ONECUT2: variants seen among roughly 807,000 people sequenced by gnomAD.
ONECUT2 encodes one cut homeobox 2, also known as one cut domain family member 2.
ONECUT2 carries 10 observed loss-of-function variants against 27.9 expected under a neutral mutation model. The ratio of observed to expected loss-of-function variants is 0.36; its 90% CI spans 0.22 to 0.61. ONECUT2 has a LOEUF of 0.61. Among genes scored for constraint, ONECUT2 ranks in the 20% least tolerant of loss-of-function variants. The pLI, the probability that ONECUT2 is intolerant of heterozygous loss-of-function variation, is 0.73. For synonymous variants in ONECUT2, 334 were observed against 315.1 expected, an observed-to-expected ratio of 1.06 and a Z score of -0.64; for missense variants, 686 against 721.0, an observed-to-expected ratio of 0.95 and a Z score of 0.56.
Position 57,436,314 on chromosome 18 carries a change from G to A in ONECUT2, c.598G>A (p.Asp200Asn). 1 of 1,603,936 alleles carries A rather than the reference G, an allele frequency of 6.2e-7. No homozygotes were observed. The highest frequency in any genetic ancestry group is 8.5e-7 in the Non-Finnish European group (1 of 1,179,672). ...CAGCGGCAGCTTCACCCTCATGCGCGACGAGCGCGGGCTCCCGGCCATGAA... is the reference window on the plus strand; with the variant it reads ...CAGCGGCAGCTTCACCCTCATGCGCAACGAGCGCGGGCTCCCGGCCATGAA... ...NVSGSFTLMRDERGLPAMNNL... is the reference protein window; with the variant it reads ...NVSGSFTLMRNERGLPAMNNL... The change falls in exon 1 of 2, where the codon GAC (aspartate) becomes AAC (asparagine). Residue 200 changes from aspartate (D) to asparagine (N), a missense_variant. Coordinates refer to ENST00000491143, the MANE Select transcript of ONECUT2 (RefSeq NM_004852.3). The surrounding 1 kb of genome is among the most constrained non-coding windows in gnomAD (Gnocchi z 5.9).
Position 57,485,941 on chromosome 18 carries a change from T to C in ONECUT2, c.*9218T>C, listed in dbSNP as rs149801222. 41 of 152,514 alleles carry C rather than the reference T, an allele frequency of 2.7e-4. No homozygotes were observed. The highest frequency in any genetic ancestry group is 9.1e-4 in the Admixed American group (14 of 15,302). 9.4% of individuals were successfully genotyped at this position (152,514 alleles called of 1,614,324 possible). A position where few individuals can be genotyped will look rare whatever the true frequency, so the allele number is the denominator to read the frequency against. On this transcript the variant is annotated 3_prime_UTR_variant, in exon 2 of 2. Coordinates refer to ENST00000491143, the MANE Select transcript of ONECUT2 (RefSeq NM_004852.3). ...CAAAGAGTACATTGCTTTGGTTTTC[T>C]TCCTAAATTCCTATTGGAATTAGAA...
rs376624073 is a variant in ONECUT2, at chr18:57,481,611, T to G, written c.*4888T>G. 5.9e-5 allele frequency: 9 copies of G among 152,344 alleles called. No homozygotes were observed. The East Asian group carries it at 1.2e-3, about 20-fold the overall frequency. 9.4% of individuals were successfully genotyped at this position (152,344 alleles called of 1,614,324 possible). On this transcript the variant is annotated 3_prime_UTR_variant, in exon 2 of 2. Coordinates refer to ENST00000491143, the MANE Select transcript of ONECUT2 (RefSeq NM_004852.3). The stretch of plus-strand genomic sequence containing the variant: ...CTGGGTATGGGGGAAACTTCCCCAC[T>G]TTTGAAAATGTTGGTAGAATTATAG...
chr18:57,465,391 T>C (rs934631535), intron 1 of ONECUT2, among the ~76,000 whole-genome samples: 1 of 152,234 alleles, frequency 6.6e-6, no homozygotes, highest in African/African-American at 2.4e-5. Context: ...CGCAAATTCC[T>C]GGGCTTAAGC....
At position 57,436,394 on chromosome 18, in the gene ONECUT2, G is replaced by C. The variant is rs373883417; in HGVS notation, c.678G>C (p.Pro226=). ...CCGGCATGAGCCAGAGCCTGTCCCC[G>C]CTGGCCGCCACGCCGCTGGGCAACG... The part of the protein sequence containing the change: ...EMPGMSQSLS[P]LAATPLGNGL... Residue 226 remains proline, a synonymous_variant, in exon 1 of 2, where the codon CCG becomes CCC. Coordinates refer to ENST00000491143, the MANE Select transcript of ONECUT2 (RefSeq NM_004852.3). This position sits in a 1 kb window ranked among gnomAD's most constrained non-coding sequence, Gnocchi z 5.9. 7.5e-6 allele frequency: 12 copies of C among 1,609,632 alleles called. No individual in the cohort carries two copies. In the East Asian group the frequency reaches 1.6e-4, roughly 21 times the overall value.
chr18:57,448,264 A>C (rs919057147), intron 1 of ONECUT2, among the ~76,000 whole-genome samples: 2 of 152,250 alleles, frequency 1.3e-5, no homozygotes, highest in African/African-American at 4.8e-5. Flanking sequence ...AGGGAGGTAG[A>C]GCATTGGAAT....
chr18:57,472,220 G>A (rs754633453), intron 1 of ONECUT2, among the ~76,000 whole-genome samples: 1 of 152,136 alleles, frequency 6.6e-6, no homozygotes, highest in Non-Finnish European at 1.5e-5. Flanking sequence ...TTCAAAAATG[G>A]GCACATGTGG....
At chr18:57,459,593 T>A (rs556722791) in intron 1 of ONECUT2, among the ~76,000 whole-genome samples, 1 of 152,364 alleles carries the variant, frequency 6.6e-6, no homozygotes, top group South Asian at 2.1e-4. Flanking sequence ...GTTTCACTCT[T>A]GTCGCCCAGG....
intron 1 of ONECUT2, among the ~76,000 whole-genome samples, chr18:57,442,243 G>GTTTTTT (rs1568118321): frequency 7.8e-6 from 1 of 127,504 alleles, no homozygotes. Flanking sequence ...AATTCTTCTG[G>GTTTTTT]GTTTTTTTTT....
chr18:57,436,013 G>A lies in ONECUT2; in HGVS notation c.297G>A (p.Ala99=). 2.0e-6 allele frequency: 3 copies of A among 1,524,176 alleles called. No homozygotes were observed. The highest frequency in any genetic ancestry group is 1.2e-5 in the South Asian group (1 of 81,464). 94.4% of individuals were successfully genotyped at this position (1,524,176 alleles called of 1,614,324 possible). ...QELGTAAAAA[A]AASRSAMVTS... is the part of the protein sequence containing the mutation. ...TGGGCACGGCGGCAGCGGCGGCAGC[G>A]GCGGCGTCGCGCTCGGCCATGGTCA... Residue 99 remains alanine, a synonymous_variant, in exon 1 of 2, where the codon GCG becomes GCA. Coordinates refer to ENST00000491143, the MANE Select transcript of ONECUT2 (RefSeq NM_004852.3). The surrounding 1 kb of genome is among the most constrained non-coding windows in gnomAD (Gnocchi z 5.9).
At chr18:57,453,247 A>G (rs1424436918) in intron 1 of ONECUT2, among the ~76,000 whole-genome samples, 1 of 152,206 alleles carries the variant, frequency 6.6e-6, no homozygotes, top group Non-Finnish European at 1.5e-5. Flanking sequence ...TACTTAATTC[A>G]GAGAGGTGAT....
intron 1 of ONECUT2, among the ~76,000 whole-genome samples, chr18:57,438,953 G>A (rs2050159405): frequency 6.6e-6 from 1 of 152,116 alleles, no homozygotes; most frequent in African/African-American, 2.4e-5. Context: ...TTTAGTACCC[G>A]CCGGCTTCTT....
rs549573105 is a variant in ONECUT2 at position 57,475,357 on chromosome 18, T to C, written c.1229-1080T>C. ...AGGTGTGAGCCACTGCACCTGGCCA[T>C]TTCAAGTGATTATAACACACGTTCT... On this transcript the variant is annotated intron_variant, in intron 1 of 1. Coordinates refer to ENST00000491143, the MANE Select transcript of ONECUT2 (RefSeq NM_004852.3). Among the ~76,000 whole-genome samples the C allele has an allele frequency of 2.0e-5, 3 of 152,278 alleles. No homozygotes were observed. In the South Asian group the frequency reaches 6.2e-4, roughly 32 times the overall value.
chr18:57,479,598 T>C lies in ONECUT2; in HGVS notation c.*2875T>C, dbSNP rs1419591180. The stretch of plus-strand genomic sequence containing the variant: ...TTTTAGCATTTAACCTGTTGATAAA[T>C]GGATCCATGGTGTACATGAGTTTTA... On this transcript the variant is annotated 3_prime_UTR_variant, in exon 2 of 2. Transcript: ENST00000491143. 1 of 152,624 alleles carries C rather than the reference T, an allele frequency of 6.6e-6. No homozygotes were observed. Among genetic ancestry groups the C allele is most frequent in the African/African-American group, 2.4e-5 (1 of 41,448 alleles). 9.5% of individuals were successfully genotyped at this position (152,624 alleles called of 1,614,324 possible).
intron 1 of ONECUT2, among the ~76,000 whole-genome samples, chr18:57,451,895 G>C (rs2050232164): frequency 6.6e-6 from 1 of 152,170 alleles, no homozygotes; most frequent in African/African-American, 2.4e-5. Context: ...GCTCTACAAA[G>C]TTACATGGCA....
chr18:57,452,364 G>A (rs1197209843), intron 1 of ONECUT2, among the ~76,000 whole-genome samples: 2 of 152,162 alleles, frequency 1.3e-5, no homozygotes, highest in South Asian at 2.1e-4. Context: ...TGTCCCAATG[G>A]GAGATCCCCT....
At chr18:57,439,422 T>G (rs937902415) in intron 1 of ONECUT2, among the ~76,000 whole-genome samples, 11 of 152,388 alleles carry the variant, frequency 7.2e-5, no homozygotes, top group Non-Finnish European at 1.3e-4. Context: ...TCTGTTTTAT[T>G]ACCCTGGGTT....
chr18:57,443,130 T>C (rs753565044), intron 1 of ONECUT2, among the ~76,000 whole-genome samples: 3 of 152,142 alleles, frequency 2.0e-5, no homozygotes, highest in Non-Finnish European at 4.4e-5. Flanking sequence ...GCAGAAACTG[T>C]CTTCATGAAA....
intron 1 of ONECUT2, among the ~76,000 whole-genome samples, chr18:57,467,739 G>A (rs901010622): frequency 6.6e-6 from 1 of 152,190 alleles, no homozygotes; most frequent in Non-Finnish European, 1.5e-5. Context: ...TTTGTCCTGT[G>A]TCAGAGGTGA....
At chr18:57,456,991 G>A (rs2050263161) in intron 1 of ONECUT2, among the ~76,000 whole-genome samples, 1 of 151,998 alleles carries the variant, frequency 6.6e-6, no homozygotes, top group Admixed American at 6.6e-5. Flanking sequence ...GTATCACCAG[G>A]TTGGTGAGGG....
Sources: allele counts gnomAD v4.1 joint callset (sites outside exome capture counted in the v4.1 genomes callset), GRCh38; gene constraint gnomAD v4.1.1; non-coding constraint Gnocchi (gnomAD v3.1); transcripts MANE v1.5; gene names NCBI Gene and HGNC (gene_info 2026-07-23, HGNC 2026-07-21).